Variants in LCOR observed in about 807,000 individuals in gnomAD.
LCOR encodes the protein ligand-dependent corepressor.
In LCOR, 14 loss-of-function variants were observed where a neutral mutation model predicts 64.4. The observed-to-expected ratio is 0.22, with a 90% CI of 0.14 to 0.34. The LOEUF is 0.34. Among genes scored for constraint, LCOR ranks in the 10% least tolerant of loss-of-function variants. The pLI, the probability that LCOR is intolerant of heterozygous loss-of-function variation, is 1.00. For missense variants in LCOR, 1,686 were observed against 1,765.3 expected (o/e 0.96, Z 0.80); for synonymous variants, 643 against 642.5 (o/e 1.00, Z -0.01).
At chr10:96,833,762 C>T (rs1845391102) in intron 2 of LCOR, among the ~76,000 whole-genome samples, 1 of 152,254 alleles carries the variant, frequency 6.6e-6, no homozygotes, top group African/African-American at 2.4e-5. Flanking sequence ...CCCCTCATTC[C>T]CTCCTTCCCG....
intron 2 of LCOR, among the ~76,000 whole-genome samples, chr10:96,890,020 C>T (rs1846411836): frequency 1.3e-5 from 2 of 152,172 alleles, no homozygotes; most frequent in Non-Finnish European, 2.9e-5. Flanking sequence ...TTTGCATTCC[C>T]ACCAGCAATG....
At chr10:96,900,580 T>C (rs1206636912) in intron 2 of LCOR, among the ~76,000 whole-genome samples, 2 of 151,734 alleles carry the variant, frequency 1.3e-5, no homozygotes, top group East Asian at 1.9e-4. Context: ...GAAACAAAAA[T>C]AGTATGAAAA....
chr10:96,958,534 C>A, intron 7 of LCOR: 3 of 710,752 alleles, frequency 4.2e-6, no homozygotes, highest in Admixed American at 2.2e-5. Context: ...AATTTGAGTA[C>A]TTCTATTATT....
chr10:96,936,133 C>G (rs558790563), intron 4 of LCOR, among the ~76,000 whole-genome samples: 1 of 152,240 alleles, frequency 6.6e-6, no homozygotes, highest in African/African-American at 2.4e-5. Flanking sequence ...TGGAGCAAAC[C>G]TCAAACACTG....
intron 7 of LCOR, chr10:96,957,355 T>G: frequency 1.0e-6 from 1 of 985,170 alleles, no homozygotes; most frequent in Non-Finnish European, 1.2e-6. Context: ...AAGCTTTTTC[T>G]GAGATGGGCT....
intron 2 of LCOR, among the ~76,000 whole-genome samples, chr10:96,889,849 G>C (rs184094938): frequency 5.3e-5 from 8 of 152,262 alleles, no homozygotes; most frequent in African/African-American, 1.7e-4. Flanking sequence ...TAATGCTGCT[G>C]TTCAATACTG....
At chr10:96,899,042 A>G (rs1846589690) in intron 2 of LCOR, among the ~76,000 whole-genome samples, 1 of 152,184 alleles carries the variant, frequency 6.6e-6, no homozygotes, top group Admixed American at 6.5e-5. Context: ...CGAGGTCTCT[A>G]TTTAACCTGA....
chr10:96,844,159 C>T (rs1845589420), intron 2 of LCOR, among the ~76,000 whole-genome samples: 1 of 137,570 alleles, frequency 7.3e-6, no homozygotes, highest in Non-Finnish European at 1.6e-5. Flanking sequence ...CCTGTACCCC[C>T]ACACACCCCA....
At chr10:96,903,821 T>C (rs1846683588) in intron 2 of LCOR, among the ~76,000 whole-genome samples, 1 of 152,196 alleles carries the variant, frequency 6.6e-6, no homozygotes, top group Admixed American at 6.5e-5. Flanking sequence ...TAATCAGGCA[T>C]GTGAAGCCTT....
intron 7 of LCOR, chr10:96,954,970 G>A (rs1206366517): frequency 6.2e-7 from 1 of 1,613,906 alleles, no homozygotes; most frequent in East Asian, 2.2e-5. Flanking sequence ...GGGAGACCCA[G>A]CCAGTACCGC....
intron 2 of LCOR, among the ~76,000 whole-genome samples, chr10:96,877,497 C>T (rs927473207): frequency 9.2e-5 from 14 of 151,472 alleles, no homozygotes; most frequent in African/African-American, 3.2e-4. Flanking sequence ...GCACTCCAGC[C>T]TGGGTGAGTG....
intron 7 of LCOR, chr10:96,963,561 G>A (rs1251694440): frequency 1.3e-5 from 2 of 152,220 alleles, no homozygotes; most frequent in African/African-American, 2.4e-5. Context: ...CAAAGTTGGT[G>A]TTGTAACATG....
intron 2 of LCOR, among the ~76,000 whole-genome samples, chr10:96,883,258 T>C (rs1846292058): frequency 6.6e-6 from 1 of 152,160 alleles, no homozygotes; most frequent in Non-Finnish European, 1.5e-5. Flanking sequence ...GGTCTTGAAC[T>C]CCAACCTCAG....
At chr10:96,863,704 T>C (rs1845926740) in intron 2 of LCOR, among the ~76,000 whole-genome samples, 1 of 152,350 alleles carries the variant, frequency 6.6e-6, no homozygotes, top group African/African-American at 2.4e-5. Context: ...TAAAGGAGTT[T>C]AGAAAAGTTG....
At chr10:96,937,148 A>C (rs1279312435) in intron 4 of LCOR, among the ~76,000 whole-genome samples, 3 of 152,184 alleles carry the variant, frequency 2.0e-5, no homozygotes, top group African/African-American at 7.2e-5. Context: ...AGAGACTTGG[A>C]GACACAGACA....
chr10:96,941,138 G>A (rs1426805843), intron 4 of LCOR, among the ~76,000 whole-genome samples: 4 of 140,492 alleles, frequency 2.8e-5, no homozygotes, highest in Admixed American at 6.8e-5. Context: ...AGGGGCGGCC[G>A]GGCAGAGGCG....
intron 2 of LCOR, among the ~76,000 whole-genome samples, chr10:96,836,419 A>T (rs1489295479): frequency 6.6e-6 from 1 of 152,072 alleles, no homozygotes; most frequent in Non-Finnish European, 1.5e-5. Flanking sequence ...CTGATCATTT[A>T]GCTGTTTGTA....
intron 2 of LCOR, among the ~76,000 whole-genome samples, chr10:96,855,168 C>G (rs111710655): frequency 2.6e-5 from 4 of 152,106 alleles, no homozygotes; most frequent in Non-Finnish European, 5.9e-5. Context: ...TTTCTTTTCT[C>G]TAGGGTAGCT....
At chr10:96,917,591 A>G (rs936684103) in intron 4 of LCOR, among the ~76,000 whole-genome samples, 1 of 152,196 alleles carries the variant, frequency 6.6e-6, no homozygotes, top group Non-Finnish European at 1.5e-5. Flanking sequence ...CTGAACTTTA[A>G]AAGGATCTGT....
Sources: allele counts gnomAD v4.1 joint callset (sites outside exome capture counted in the v4.1 genomes callset), GRCh38; gene constraint gnomAD v4.1.1; transcripts MANE v1.5; gene names NCBI Gene and HGNC (gene_info 2026-07-23, HGNC 2026-07-21).